The following MCUB variants were observed in gnomAD, a reference collection of about 807,000 sequenced individuals.
MCUB encodes mitochondrial calcium uniporter dominant negative subunit beta, also known as calcium uniporter regulatory subunit MCUb, mitochondrial.
MCUB carries 46 observed loss-of-function variants against 41.4 expected under a neutral mutation model. The observed-to-expected ratio is 1.11, with a 90% CI of 0.88 to 1.42. MCUB has a LOEUF of 1.42. MCUB is among the 40% of genes most tolerant of loss of function. The pLI, the probability that MCUB is intolerant of heterozygous loss-of-function variation, is 0.00. For missense variants in MCUB, 403 were observed against 404.9 expected (o/e 1.00, Z 0.04); for synonymous variants, 148 against 148.2 (o/e 1.00, Z 0.01).
intron 1 of MCUB, among the ~76,000 whole-genome samples, chr4:109,654,838 G>T (rs975726082): frequency 2.0e-5 from 3 of 152,194 alleles, no homozygotes; most frequent in African/African-American, 4.8e-5. Flanking sequence ...CAGCACATGT[G>T]TGGATATTTT....
At chr4:109,680,390 C>T (rs1372944579) in intron 4 of MCUB, among the ~76,000 whole-genome samples, 1 of 152,154 alleles carries the variant, frequency 6.6e-6, no homozygotes, top group East Asian at 1.9e-4. Flanking sequence ...CCCATTCTGT[C>T]ATTCTTTCTT....
intron 1 of MCUB, among the ~76,000 whole-genome samples, chr4:109,578,740 A>G (rs1482463196): frequency 3.3e-5 from 5 of 152,104 alleles, no homozygotes; most frequent in African/African-American, 4.8e-5. Context: ...CTCCTGGCGC[A>G]AGTGCTTCTC....
chr4:109,585,665 A>G (rs1056547755), intron 1 of MCUB, among the ~76,000 whole-genome samples: 19 of 152,272 alleles, frequency 1.2e-4, no homozygotes, highest in African/African-American at 4.6e-4. Flanking sequence ...ATCTCTCAGC[A>G]TTTGCTTGTG....
intron 1 of MCUB, among the ~76,000 whole-genome samples, chr4:109,632,496 G>A (rs533902479): frequency 3.2e-4 from 49 of 152,268 alleles, no homozygotes; most frequent in Non-Finnish European, 6.0e-4. Context: ...AGGAATTTGG[G>A]AGCAGATTAC....
chr4:109,563,732 G>T (rs764804545), intron 1 of MCUB, among the ~76,000 whole-genome samples: 7 of 152,168 alleles, frequency 4.6e-5, no homozygotes, highest in Non-Finnish European at 8.8e-5. Context: ...TCTAAGCTAG[G>T]AAATCATTTG....
At chr4:109,592,068 C>A (rs1195903548) in intron 1 of MCUB, among the ~76,000 whole-genome samples, 1 of 152,076 alleles carries the variant, frequency 6.6e-6, no homozygotes, top group Non-Finnish European at 1.5e-5. Flanking sequence ...TGTTTTAATT[C>A]TTTAATTTCC....
chr4:109,590,712 T>C (rs1170424569), intron 1 of MCUB, among the ~76,000 whole-genome samples: 3 of 152,192 alleles, frequency 2.0e-5, no homozygotes, highest in Admixed American at 2.0e-4. Flanking sequence ...CATTTTCTGT[T>C]GACCTCTATA....
chr4:109,619,813 A>C (rs555757712), intron 1 of MCUB, among the ~76,000 whole-genome samples: 1 of 152,330 alleles, frequency 6.6e-6, no homozygotes, highest in South Asian at 2.1e-4. Context: ...TAATAGTTAT[A>C]GTAAAGTGAT....
intron 1 of MCUB, among the ~76,000 whole-genome samples, chr4:109,637,516 A>C (rs1192417158): frequency 2.6e-5 from 4 of 152,248 alleles, no homozygotes; most frequent in Non-Finnish European, 5.9e-5. Flanking sequence ...ATCAATCAAC[A>C]AGTGAATAAA....
intron 1 of MCUB, among the ~76,000 whole-genome samples, chr4:109,614,787 G>A (rs1263133346): frequency 2.0e-5 from 3 of 151,894 alleles, no homozygotes; most frequent in Non-Finnish European, 2.9e-5. Flanking sequence ...TGAAGAAAAC[G>A]CCTTATAGAG....
In MCUB at chr4:109,560,435, A is replaced by G; in HGVS notation, c.98A>G (p.Gln33Arg). 7.8e-7 allele frequency: 1 copy of G among 1,276,460 alleles called. No homozygotes were observed. Among genetic ancestry groups the G allele is most frequent in the Non-Finnish European group, 9.9e-7 (1 of 1,008,548 alleles). 79.1% of individuals were successfully genotyped at this position (1,276,460 alleles called of 1,614,324 possible). Residue 33 changes from glutamine to arginine, a missense_variant and splice_region_variant, in exon 1 of 8, where the codon CAG (glutamine) becomes CGG (arginine). Gln to Arg is a conservative substitution (Grantham distance 43, BLOSUM62 1). Transcript: ENST00000394650. ...ARPWPLPPPP[Q>R]VLRVKLCGNV... ...CCGTGGCCGCTGCCGCCTCCGCCCC[A>G]GGTAAGAGCGGGTGCCGGGCTGTGG... is the stretch of plus-strand genomic sequence containing the variant.
chr4:109,568,077 G>GA (rs202210536), intron 1 of MCUB, among the ~76,000 whole-genome samples: 10,540 of 152,090 alleles, frequency 0.069, 1,084 homozygotes, highest in African/African-American at 0.22. Context: ...AACCTGGGGG[G>GA]GAAAAATTAT....
At chr4:109,646,807 C>T (rs2126141614) in intron 1 of MCUB, among the ~76,000 whole-genome samples, 1 of 152,246 alleles carries the variant, frequency 6.6e-6, no homozygotes, top group South Asian at 2.1e-4. Context: ...TTCTTCTCTC[C>T]CTCTCTGTGT....
chr4:109,636,530 G>C (rs1050301286), intron 1 of MCUB, among the ~76,000 whole-genome samples: 1 of 152,158 alleles, frequency 6.6e-6, no homozygotes, highest in Non-Finnish European at 1.5e-5. Context: ...GTGATGTCAT[G>C]AAAGTTAAGA....
chr4:109,647,679 G>T (rs1728868964), intron 1 of MCUB, among the ~76,000 whole-genome samples: 1 of 152,168 alleles, frequency 6.6e-6, no homozygotes, highest in East Asian at 1.9e-4. Flanking sequence ...TATTTTAATT[G>T]CTAGAATACT....
chr4:109,675,660 AGT>A (rs766093523), intron 4 of MCUB, among the ~76,000 whole-genome samples: 3 of 152,138 alleles, frequency 2.0e-5, no homozygotes, highest in Non-Finnish European at 4.4e-5. Flanking sequence ...CTTGATCCCC[AGT>A]GTTGTGGTGT....
intron 1 of MCUB, among the ~76,000 whole-genome samples, chr4:109,622,658 AAGTTATATATATGCCTCCAT>A (rs1297532914): frequency 6.6e-6 from 1 of 152,254 alleles, no homozygotes. Context: ...CTTCAAGATT[AAGTTATATATATGCCTCCAT>A]GGGTGTGCCC....
At chr4:109,687,205 AAAT>A (rs1262233567) in intron 7 of MCUB, among the ~76,000 whole-genome samples, 2 of 152,094 alleles carry the variant, frequency 1.3e-5, no homozygotes, top group East Asian at 3.9e-4. Flanking sequence ...AAATACCAAA[AAAT>A]ATTAGGTGGG....
At chr4:109,609,251 T>C (rs988461845) in intron 1 of MCUB, among the ~76,000 whole-genome samples, 1 of 152,136 alleles carries the variant, frequency 6.6e-6, no homozygotes, top group Non-Finnish European at 1.5e-5. Context: ...GAATAAAGAG[T>C]GGCTACTCCA....
Sources: allele counts gnomAD v4.1 joint callset (sites outside exome capture counted in the v4.1 genomes callset), GRCh38; gene constraint gnomAD v4.1.1; transcripts MANE v1.5; gene names NCBI Gene and HGNC (gene_info 2026-07-23, HGNC 2026-07-21).